The following TMEM44 variants were observed in gnomAD, a reference collection of about 807,000 sequenced individuals.
TMEM44 encodes transmembrane protein 44.
TMEM44 carries 43 observed loss-of-function variants against 47.8 expected under a neutral mutation model. The ratio of observed to expected loss-of-function variants is 0.90; its 90% CI spans 0.70 to 1.16. The LOEUF (loss-of-function observed/expected upper bound fraction) is 1.16. Among genes scored for constraint, TMEM44 ranks in the 50% most tolerant of loss-of-function variants. TMEM44 has a pLI of 0.00. For synonymous variants in TMEM44, 277 were observed against 238.8 expected (o/e 1.16, Z -1.48); for missense variants, 568 against 555.2 (o/e 1.02, Z -0.23).
At chr3:194,603,982 T>C (rs1714462984) in intron 9 of TMEM44, among the ~76,000 whole-genome samples, 1 of 152,042 alleles carries the variant, frequency 6.6e-6, no homozygotes, top group Admixed American at 6.6e-5. Context: ...GCCTCCTGGG[T>C]AGCTGGGATA....
chr3:194,632,435 G>GAGC (rs1416131154), intron 1 of TMEM44, among the ~76,000 whole-genome samples: 2 of 152,204 alleles, frequency 1.3e-5, no homozygotes, highest in African/African-American at 4.8e-5. Context: ...GCCTAGGACA[G>GAGC]AGCGGCTGAG....
chr3:194,591,828 A>T (rs1321504212), intron 9 of TMEM44, among the ~76,000 whole-genome samples: 1 of 151,978 alleles, frequency 6.6e-6, no homozygotes, highest in African/African-American at 2.4e-5. Flanking sequence ...ACTGGTCTCC[A>T]ACTCCTGACC....
intron 6 of TMEM44, chr3:194,616,882 G>A (rs112847759): frequency 5.9e-5 from 35 of 590,220 alleles, no homozygotes; most frequent in African/African-American, 5.2e-4. Context: ...GCAACACAGC[G>A]AGACTCCATC....
chr3:194,592,029 T>C (rs1712801726), intron 9 of TMEM44, among the ~76,000 whole-genome samples: 1 of 152,028 alleles, frequency 6.6e-6, no homozygotes, highest in Non-Finnish European at 1.5e-5. Flanking sequence ...CCATCCTGGC[T>C]AACAAGGTGA....
chr3:194,627,044 G>T (rs2794671), intron 2 of TMEM44, among the ~76,000 whole-genome samples: 120,576 of 151,798 alleles, frequency 0.79, 48,144 homozygotes, highest in East Asian at 0.97. Flanking sequence ...GCCTCAGCCC[G>T]CTGAGTAGCT....
intron 2 of TMEM44, among the ~76,000 whole-genome samples, chr3:194,627,450 A>C (rs76546195): frequency 8.8e-6 from 1 of 113,612 alleles, no homozygotes; most frequent in Non-Finnish European, 1.9e-5. Context: ...CACAGGTTTG[A>C]GGGCCTACGC....
Position 194,615,567 on chromosome 3 carries a change from A to G in TMEM44, c.912+2T>C. 1 of 1,613,252 alleles carries G rather than the reference A, an allele frequency of 6.2e-7. No individual in the cohort carries two copies. The highest frequency in any genetic ancestry group is 1.1e-5 in the South Asian group (1 of 91,014). On this transcript the variant is annotated splice_donor_variant, in intron 7 of 9. Coordinates refer to ENST00000347147, the MANE Select transcript of TMEM44 (RefSeq NM_001011655.3). LOFTEE classifies it high-confidence loss of function. ...CAGAGAGACCTTGTCCTCGTTCCTC[A>G]CCTCCTGGTTTTCTTCCTCTTTCTC...
At chr3:194,595,162 GTATAA>G (rs1325953563) in intron 9 of TMEM44, among the ~76,000 whole-genome samples, 8 of 152,280 alleles carry the variant, frequency 5.3e-5, no homozygotes, top group South Asian at 2.1e-4. Context: ...TATGTATTAT[GTATAA>G]TATAATAAAA....
intron 9 of TMEM44, among the ~76,000 whole-genome samples, chr3:194,594,502 T>C (rs1773179): frequency 0.31 from 47,646 of 151,620 alleles, 9,114 homozygotes; most frequent in Non-Finnish European, 0.44. Flanking sequence ...TCAAAATGTA[T>C]CTCATAGATA....
chr3:194,598,245 C>T (rs1177894910), intron 9 of TMEM44, among the ~76,000 whole-genome samples: 1 of 152,180 alleles, frequency 6.6e-6, no homozygotes, highest in Admixed American at 6.5e-5. Context: ...TGCCCACGGT[C>T]CTGTCTGTCT....
chr3:194,601,255 C>T (rs1714077467), intron 9 of TMEM44, among the ~76,000 whole-genome samples: 1 of 151,796 alleles, frequency 6.6e-6, no homozygotes, highest in Non-Finnish European at 1.5e-5. Context: ...AACGATTCTC[C>T]TGCCCAGTAG....
In TMEM44 at chr3:194,615,620, A is replaced by G. The variant is rs1715798048; in HGVS notation, c.861T>C (p.Pro287=). Residue 287 remains proline, a synonymous_variant, in exon 7 of 10, where the codon CCT becomes CCC. Transcript: ENST00000347147. ...CACAGGTCAAAAGGGCTTGGGTGTC[A>G]GGGCTCTCTCTGGCTTCCTTGGCAA... ...LGFAKEARES[P]DTQALLTCAE... is the part of the protein sequence containing the mutation. 1 of 1,614,040 alleles carries G rather than the reference A, an allele frequency of 6.2e-7. No homozygotes were observed. The highest frequency in any genetic ancestry group is 8.5e-7 in the Non-Finnish European group (1 of 1,180,030).
chr3:194,611,925 G>T lies in TMEM44; in HGVS notation c.913-905C>A, dbSNP rs780693819. Among the ~76,000 whole-genome samples the T allele has an allele frequency of 2.0e-5, 3 of 152,044 alleles. No individual in the cohort carries two copies. The highest frequency in any genetic ancestry group is 2.9e-5 in the Non-Finnish European group (2 of 68,020). On this transcript the variant is annotated intron_variant, in intron 7 of 9. Coordinates refer to ENST00000347147, the MANE Select transcript of TMEM44 (RefSeq NM_001011655.3). The surrounding 1 kb of genome is among the most constrained non-coding windows in gnomAD (Gnocchi z 4.2). ...TAATCCTAGCTACGTGGGAGGCGGAGGCAGGAGAATCGCTTGAACCCAGGA... is the reference window on the plus strand; with the variant it reads ...TAATCCTAGCTACGTGGGAGGCGGATGCAGGAGAATCGCTTGAACCCAGGA...
chr3:194,617,378 C>T, intron 5 of TMEM44, 109 bp from the exon 6 acceptor site: 10 of 1,246,138 alleles, frequency 8.0e-6, no homozygotes, highest in Non-Finnish European at 1.1e-5. Context: ...GCAGCCAGTC[C>T]TCCAGGGCAA....
At chr3:194,625,431 G>GC (rs1491326889) in intron 3 of TMEM44, among the ~76,000 whole-genome samples, 23 of 21,110 alleles carry the variant, frequency 1.1e-3, no homozygotes, top group Non-Finnish European at 1.5e-3. Context: ...CTTCTTTTTT[G>GC]GGGGGGGGGG....
At position 194,611,129 on chromosome 3, in the gene TMEM44, C is replaced by T. The variant is rs1280386366; in HGVS notation, c.913-109G>A. On this transcript the variant is annotated intron_variant, in intron 7 of 9. Transcript: ENST00000347147. The surrounding 1 kb of genome is among the most constrained non-coding windows in gnomAD (Gnocchi z 4.2). ...AAAGGACCCCCGTGGTATTTTCTCT[C>T]TCTCTTTTTTAACGGCACGTCTCAC... 1.2e-6 allele frequency: 1 copy of T among 850,346 alleles called. No individual in the cohort carries two copies. Among genetic ancestry groups the T allele is most frequent in the East Asian group, 2.6e-5 (1 of 38,046 alleles). The allele number at this position is 850,346 out of a possible 1,614,324, so 52.7% of individuals were successfully genotyped here. A position where few individuals can be genotyped will look rare whatever the true frequency, so the allele number is the denominator to read the frequency against.
intron 9 of TMEM44, among the ~76,000 whole-genome samples, chr3:194,598,821 A>G (rs759374137): frequency 6.6e-6 from 1 of 152,192 alleles, no homozygotes; most frequent in Non-Finnish European, 1.5e-5. Context: ...TTAAGGTGCC[A>G]AATCAGAAAG....
At chr3:194,606,642 A>T (rs528896474) in intron 8 of TMEM44, among the ~76,000 whole-genome samples, 1 of 152,250 alleles carries the variant, frequency 6.6e-6, no homozygotes, top group African/African-American at 2.4e-5. Context: ...TTAATAAAAT[A>T]ATAATAATAG....
At chr3:194,631,281 G>C (rs1007017133) in intron 1 of TMEM44, among the ~76,000 whole-genome samples, 1 of 151,964 alleles carries the variant, frequency 6.6e-6, no homozygotes, top group Non-Finnish European at 1.5e-5. Context: ...ATACATTGTC[G>C]TACCTGCCTC....
Sources: gnomAD v4.1 joint callset for allele counts (sites outside exome capture counted in the v4.1 genomes callset) on GRCh38, gnomAD v4.1.1 for gene constraint, Gnocchi (gnomAD v3.1) non-coding constraint, MANE v1.5 for transcripts, NCBI Gene and HGNC (gene_info 2026-07-23, HGNC 2026-07-21) for gene names.